The following CCDC190 variants were observed in gnomAD, a reference collection of about 807,000 sequenced individuals.
CCDC190 encodes the protein coiled-coil domain containing 190.
A neutral mutation model predicts 13.1 loss-of-function variants in CCDC190; 10 were observed. The observed-to-expected ratio is 0.77, with a 90% CI of 0.47 to 1.30. The LOEUF (loss-of-function observed/expected upper bound fraction) is 1.30, where lower values mean the gene tolerates loss of function less well. Among genes scored for constraint, CCDC190 ranks in the 50% most tolerant of loss-of-function variants. The probability of loss-of-function intolerance (pLI) is 0.00; values close to 1 mark genes in which losing one functional copy is unlikely to be tolerated. For synonymous variants in CCDC190, 136 were observed against 127.2 expected (o/e 1.07, Z -0.47); for missense variants, 375 against 354.3 (o/e 1.06, Z -0.47).
intron 1 of CCDC190, among the ~76,000 whole-genome samples, chr1:162,860,218 A>T (rs1346412557): frequency 6.6e-6 from 1 of 152,188 alleles, no homozygotes; most frequent in Non-Finnish European, 1.5e-5. Context: ...AATGAGGCCC[A>T]GTTCCTACTC....
intron 2 of CCDC190, chr1:162,856,085 T>C (rs1650292477): frequency 5.7e-6 from 1 of 176,480 alleles, no homozygotes; most frequent in Admixed American, 5.6e-5. Flanking sequence ...GTTTGACATA[T>C]TGATTTTGAA....
chr1:162,858,965 C>T (rs541189378), intron 2 of CCDC190, among the ~76,000 whole-genome samples: 83 of 152,284 alleles, frequency 5.5e-4, no homozygotes, highest in African/African-American at 2.0e-3. Flanking sequence ...TTGGAGGAAG[C>T]TGAGGTACTA....
chr1:162,857,359 C>T (rs1214773392), intron 2 of CCDC190, among the ~76,000 whole-genome samples: 1 of 152,178 alleles, frequency 6.6e-6, no homozygotes, highest in Non-Finnish European at 1.5e-5. Flanking sequence ...TAATTTTCAC[C>T]AGTCTCAAAC....
At chr1:162,857,791 T>A (rs1159309835) in intron 2 of CCDC190, among the ~76,000 whole-genome samples, 1 of 152,212 alleles carries the variant, frequency 6.6e-6, no homozygotes, top group African/African-American at 2.4e-5. Flanking sequence ...GCGGAACTAC[T>A]GTCCAATTTA....
At chr1:162,862,924 T>C (rs566938798), upstream of CCDC190, among the ~76,000 whole-genome samples, 6 of 151,678 alleles carry the variant, frequency 4.0e-5, no homozygotes, top group South Asian at 1.3e-3. Flanking sequence ...TTAAATTATA[T>C]GTGAAACTGG....
Position 162,855,180 on chromosome 1 carries a change from G to A in CCDC190, c.491C>T (p.Pro164Leu). The change falls in exon 4 of 4, where the codon CCA (proline) becomes CTA (leucine). Residue 164 changes from proline (P) to leucine (L), a missense_variant. Transcript: ENST00000367912. ...PQAQEKDSVN[P>L]SKDVDPSKGI... ...CTTGCTGGGGTCTACGTCCTTAGAT[G>A]GATTCACAGAATCTTTCTCTTGGGC... 2 of 1,613,928 alleles carry A rather than the reference G, an allele frequency of 1.2e-6. No homozygotes were observed. Among genetic ancestry groups the A allele is most frequent in the Non-Finnish European group, 1.7e-6 (2 of 1,179,874 alleles).
intron 2 of CCDC190, among the ~76,000 whole-genome samples, chr1:162,857,601 T>A (rs558686339): frequency 3.1e-4 from 47 of 152,222 alleles, no homozygotes; most frequent in African/African-American, 1.0e-3. Context: ...ATTCCATACG[T>A]CCTCCTGACA....
chr1:162,861,427 G>A (rs920022211), upstream of CCDC190, among the ~76,000 whole-genome samples: 3 of 148,232 alleles, frequency 2.0e-5, no homozygotes, highest in Non-Finnish European at 3.0e-5. Flanking sequence ...CCCTTTCCTC[G>A]TTTCTCTCCA....
upstream of CCDC190, among the ~76,000 whole-genome samples, chr1:162,863,523 G>T (rs1650594281): frequency 6.6e-6 from 1 of 151,892 alleles, no homozygotes; most frequent in African/African-American, 2.4e-5. Context: ...CTGGACATCA[G>T]TCAGATAGGA....
At chr1:162,861,861 C>G (rs1275625234), upstream of CCDC190, among the ~76,000 whole-genome samples, 1 of 152,146 alleles carries the variant, frequency 6.6e-6, no homozygotes, top group African/African-American at 2.4e-5. Flanking sequence ...GCTGCCAACA[C>G]TGGGGCCTGA....
At chr1:162,866,705 C>T (rs1465917128) in intron 1 of CCDC190, among the ~76,000 whole-genome samples, 2 of 151,916 alleles carry the variant, frequency 1.3e-5, no homozygotes, top group Non-Finnish European at 2.9e-5. Context: ...TATTCTAATG[C>T]TATAGTCAAT....
At position 162,852,765 on chromosome 1, in the gene CCDC190, G is replaced by T. The variant is rs1038506542; in HGVS notation, c.*2000C>A. The T allele has an allele frequency of 4.7e-6, 1 of 214,720 alleles. No individual in the cohort carries two copies. The highest frequency in any genetic ancestry group is 9.3e-6 in the Non-Finnish European group (1 of 107,414). 13.3% of individuals were successfully genotyped at this position (214,720 alleles called of 1,614,324 possible). On this transcript the variant is annotated 3_prime_UTR_variant, in exon 4 of 4. Coordinates refer to ENST00000367912, the MANE Select transcript of CCDC190 (RefSeq NM_001394065.1). ...GGAACAGAGAACTAGGCTGAAGTTGGCTCCCTCCTGCCTTGTGATGGCCCC... is the reference window on the plus strand; with the variant it reads ...GGAACAGAGAACTAGGCTGAAGTTGTCTCCCTCCTGCCTTGTGATGGCCCC...
intron 2 of CCDC190, 85 bp from the exon 3 acceptor site, chr1:162,855,840 G>C: frequency 8.1e-7 from 1 of 1,229,732 alleles, no homozygotes; most frequent in Non-Finnish European, 1.1e-6. Flanking sequence ...CAGTACCTTA[G>C]GGTGGGACCT....
upstream of CCDC190, among the ~76,000 whole-genome samples, chr1:162,864,468 A>G (rs1236460569): frequency 2.0e-5 from 3 of 152,220 alleles, no homozygotes; most frequent in Non-Finnish European, 4.4e-5. Context: ...CTACATGAGG[A>G]AGTATAAAGA....
At position 162,853,759 on chromosome 1, in the gene CCDC190, C is replaced by G. The variant is rs563620449; in HGVS notation, c.*1006G>C. On this transcript the variant is annotated 3_prime_UTR_variant, in exon 4 of 4. Transcript: ENST00000367912. ...TGGGCTGAAGATTTGAATTTACCCACCACAGAGGCATGATTTCTTTGAGAC... is the reference window on the plus strand; with the variant it reads ...TGGGCTGAAGATTTGAATTTACCCAGCACAGAGGCATGATTTCTTTGAGAC... Among the ~76,000 whole-genome samples the G allele has an allele frequency of 2.0e-5, 3 of 152,308 alleles. No homozygotes were observed. Among genetic ancestry groups the G allele is most frequent in the African/African-American group, 7.2e-5 (3 of 41,556 alleles).
upstream of CCDC190, chr1:162,868,802 A>G (rs1650801849): frequency 6.6e-6 from 1 of 152,568 alleles, no homozygotes; most frequent in Non-Finnish European, 1.5e-5. Context: ...GAGCAGGGGT[A>G]GAACTCCATG....
At position 162,855,696 on chromosome 1, in the gene CCDC190, C is replaced by T; in HGVS notation, c.247G>A (p.Asp83Asn). The change falls in exon 3 of 4, where the codon GAT becomes AAT. Residue 83 changes from aspartate (D) to asparagine (N), a missense_variant. By Grantham distance (23) the Asp-to-Asn change is conservative. Coordinates refer to ENST00000367912, the MANE Select transcript of CCDC190 (RefSeq NM_001394065.1). ...LGNGFQKRPE[D>N]VLVFSPQGRQ... ...CCCTGTGGTGAGAACACGAGAACAT[C>T]TTCTGGTCTCTTCTGAAATCCATTC... is the stretch of plus-strand genomic sequence containing the variant. 6.2e-7 allele frequency: 1 copy of T among 1,613,618 alleles called. No individual in the cohort carries two copies. Among genetic ancestry groups the T allele is most frequent in the East Asian group, 2.2e-5 (1 of 44,870 alleles).
chr1:162,863,794 G>A (rs1344124192), upstream of CCDC190, among the ~76,000 whole-genome samples: 1 of 152,110 alleles, frequency 6.6e-6, no homozygotes, highest in African/African-American at 2.4e-5. Context: ...GCCAAGACAG[G>A]CAGATCACAA....
intron 1 of CCDC190, among the ~76,000 whole-genome samples, chr1:162,867,213 A>G (rs1380795157): frequency 2.0e-5 from 3 of 152,084 alleles, no homozygotes; most frequent in Non-Finnish European, 4.4e-5. Context: ...TAACCAAAAA[A>G]CTCTATCTAT....
Sources: gnomAD v4.1 joint callset for allele counts (sites outside exome capture counted in the v4.1 genomes callset) on GRCh38, gnomAD v4.1.1 for gene constraint, MANE v1.5 for transcripts, NCBI Gene and HGNC (gene_info 2026-07-23, HGNC 2026-07-21) for gene names.